DNAJC17: variants seen among roughly 807,000 people sequenced by gnomAD.
DNAJC17 encodes the protein DnaJ heat shock protein family (Hsp40) member C17.
DNAJC17 carries 35 observed loss-of-function variants against 48.1 expected under a neutral mutation model. The ratio of observed to expected loss-of-function variants is 0.73; its 90% CI spans 0.56 to 0.96. DNAJC17 has a LOEUF of 0.96. Ranked by LOEUF, DNAJC17 falls within the 50% of genes least tolerant of loss-of-function variation. The pLI is 0.00. For missense variants in DNAJC17, 355 were observed against 377.1 expected, an observed-to-expected ratio of 0.94 and a Z score of 0.48; for synonymous variants, 117 against 142.7, an observed-to-expected ratio of 0.82 and a Z score of 1.28.
chr15:40,768,777 C>T (rs757143232), intron 10 of DNAJC17, among the ~76,000 whole-genome samples: 36 of 152,226 alleles, frequency 2.4e-4, no homozygotes, highest in Non-Finnish European at 4.1e-4. Context: ...ATAAGGTCTG[C>T]GGTGGGAATT....
chr15:40,784,953 C>T (rs1889601888), intron 1 of DNAJC17, among the ~76,000 whole-genome samples: 1 of 152,082 alleles, frequency 6.6e-6, no homozygotes, highest in African/African-American at 2.4e-5. Context: ...CAAAAATTAG[C>T]TGGGCATGGT....
Position 40,767,659 on chromosome 15 carries a change from G to A in DNAJC17, c.*281C>T. 3.4e-6 allele frequency: 2 copies of A among 585,226 alleles called. No individual in the cohort carries two copies. Among genetic ancestry groups the A allele is most frequent in the Admixed American group, 3.6e-5 (1 of 28,118 alleles). 36.3% of individuals were successfully genotyped at this position (585,226 alleles called of 1,614,324 possible). A position where few individuals can be genotyped will look rare whatever the true frequency, so the allele number is the denominator to read the frequency against. On this transcript the variant is annotated 3_prime_UTR_variant, in exon 11 of 11. Coordinates refer to ENST00000220496, the MANE Select transcript of DNAJC17 (RefSeq NM_018163.3). ...AGCTGGGCACTCCAGCGGCCCTGGC[G>A]CGTGGCTCCTGCATAGCTAGCCCAA...
intron 1 of DNAJC17, among the ~76,000 whole-genome samples, chr15:40,800,446 C>T (rs1391065136): frequency 6.6e-6 from 1 of 151,370 alleles, no homozygotes; most frequent in African/African-American, 2.4e-5. Context: ...ACCATTTGTA[C>T]ATCATCTTTG....
chr15:40,773,423 C>A (rs1163831994), intron 10 of DNAJC17, among the ~76,000 whole-genome samples: 2 of 152,180 alleles, frequency 1.3e-5, no homozygotes, highest in Admixed American at 6.5e-5. Context: ...AAATGCTTCA[C>A]ACACCACAAC....
intron 1 of DNAJC17, among the ~76,000 whole-genome samples, chr15:40,794,828 C>T: frequency 6.6e-6 from 1 of 152,040 alleles, no homozygotes; most frequent in East Asian, 1.9e-4. Context: ...AGTGATTCTC[C>T]TGCCTCAGCC....
Position 40,770,802 on chromosome 15 carries a change from A to C in DNAJC17, c.793-2740T>G. 6.5e-7 allele frequency: 1 copy of C among 1,549,574 alleles called. No homozygotes were observed. ...CATCCTGGAGCCCCCACCTGCCTAC[A>C]CAGCAGCCTACTCTGCCACCCTGCC... On this transcript the variant is annotated intron_variant, in intron 10 of 10. Transcript: ENST00000220496. This position sits in a 1 kb window ranked among gnomAD's most constrained non-coding sequence, Gnocchi z 5.0.
At chr15:40,802,207 G>A (rs888390377) in intron 1 of DNAJC17, among the ~76,000 whole-genome samples, 2 of 144,556 alleles carry the variant, frequency 1.4e-5, no homozygotes, top group East Asian at 2.0e-4. Flanking sequence ...TTCTAGCTCC[G>A]TCACCCAGGC....
intron 6 of DNAJC17, 58 bp downstream of exon 6, chr15:40,776,138 G>T: frequency 1.9e-6 from 3 of 1,553,608 alleles, no homozygotes; most frequent in African/African-American, 1.4e-5. Flanking sequence ...CAGTGTGGCC[G>T]CTCTGAGCAA....
At chr15:40,786,804 G>A (rs1889655043) in intron 1 of DNAJC17, among the ~76,000 whole-genome samples, 2 of 152,192 alleles carry the variant, frequency 1.3e-5, no homozygotes, top group Admixed American at 6.5e-5. Context: ...TGTAAGCTCC[G>A]TGAGTACTTC....
At chr15:40,783,810 C>A (rs936924274) in intron 1 of DNAJC17, among the ~76,000 whole-genome samples, 1 of 152,168 alleles carries the variant, frequency 6.6e-6, no homozygotes, top group Admixed American at 6.5e-5. Context: ...CTTCAGTGAG[C>A]TGAGATCGTG....
At position 40,770,497 on chromosome 15, in the gene DNAJC17, T is replaced by C. The variant is rs1450802519; in HGVS notation, c.793-2435A>G. The C allele has an allele frequency of 1.9e-6, 3 of 1,548,600 alleles. No individual in the cohort carries two copies. Among genetic ancestry groups the C allele is most frequent in the East Asian group, 2.4e-5 (1 of 40,898 alleles). On this transcript the variant is annotated intron_variant, in intron 10 of 10. Transcript: ENST00000220496. This position sits in a 1 kb window ranked among gnomAD's most constrained non-coding sequence, Gnocchi z 5.0. ...TGTCTGCTGGCTCCCCTGGGCCCCA[T>C]GGAGACCTGGCGGAAAGGCTCCTTC... is the stretch of plus-strand genomic sequence containing the variant.
intron 2 of DNAJC17, 43 bp downstream of exon 2, chr15:40,779,885 G>A (rs1469968840): frequency 6.3e-7 from 1 of 1,592,978 alleles, no homozygotes; most frequent in Non-Finnish European, 8.6e-7. Context: ...CAATGCCCGG[G>A]TGAGTGGGTT....
intron 1 of DNAJC17, among the ~76,000 whole-genome samples, chr15:40,799,303 T>C (rs1890018066): frequency 6.6e-6 from 1 of 150,784 alleles, no homozygotes; most frequent in South Asian, 2.1e-4. Context: ...CTAGGAGCAC[T>C]TCCACCCGAA....
intron 4 of DNAJC17, among the ~76,000 whole-genome samples, chr15:40,778,444 G>A (rs1033583149): frequency 6.6e-6 from 1 of 152,048 alleles, no homozygotes; most frequent in Non-Finnish European, 1.5e-5. Context: ...GTAGAGAAGG[G>A]GTTTCACCAT....
In DNAJC17 at chr15:40,765,548, C is replaced by T. The variant is rs1416138978; in HGVS notation, c.*2392G>A. 7.7e-6 allele frequency: 2 copies of T among 261,432 alleles called. No individual in the cohort carries two copies. Among genetic ancestry groups the T allele is most frequent in the South Asian group, 1.6e-4 (1 of 6,066 alleles). The allele number at this position is 261,432 out of a possible 1,614,324, so 16.2% of individuals were successfully genotyped here. The stretch of plus-strand genomic sequence containing the variant: ...AACTCCTCCCACCTCAAGCGATCCT[C>T]CCACCTCAGCCTCAGTAGCTGGAAC... On this transcript the variant is annotated 3_prime_UTR_variant, in exon 11 of 11. Transcript: ENST00000220496.
At position 40,770,244 on chromosome 15, in the gene DNAJC17, C is replaced by T. The variant is rs1376616753; in HGVS notation, c.793-2182G>A. 3.7e-6 allele frequency: 2 copies of T among 537,838 alleles called. No individual in the cohort carries two copies. The highest frequency in any genetic ancestry group is 3.8e-5 in the African/African-American group (2 of 52,748). 33.3% of individuals were successfully genotyped at this position (537,838 alleles called of 1,614,324 possible). A position where few individuals can be genotyped will look rare whatever the true frequency, so the allele number is the denominator to read the frequency against. ...TCCACTACCCTATTCAGTAACCAGGCCACTCCTGTCCCTGTGGGAAACTCT... is the reference window on the plus strand; with the variant it reads ...TCCACTACCCTATTCAGTAACCAGGTCACTCCTGTCCCTGTGGGAAACTCT... On this transcript the variant is annotated intron_variant, in intron 10 of 10. Coordinates refer to ENST00000220496, the MANE Select transcript of DNAJC17 (RefSeq NM_018163.3). This position sits in a 1 kb window ranked among gnomAD's most constrained non-coding sequence, Gnocchi z 5.0.
At position 40,765,953 on chromosome 15, in the gene DNAJC17, C is replaced by T. The variant is rs770328246; in HGVS notation, c.*1987G>A. 1.7e-6 allele frequency: 2 copies of T among 1,181,056 alleles called. No homozygotes were observed. Among genetic ancestry groups the T allele is most frequent in the Non-Finnish European group, 2.5e-6 (2 of 813,194 alleles). The allele number at this position is 1,181,056 out of a possible 1,614,324, so 73.2% of individuals were successfully genotyped here. ...AGCAGCCTCCCTCAGTATCCTCTCC[C>T]TGCCAGCCCCTAGACCTGCCTCTGC... On this transcript the variant is annotated 3_prime_UTR_variant, in exon 11 of 11. Coordinates refer to ENST00000220496, the MANE Select transcript of DNAJC17 (RefSeq NM_018163.3).
chr15:40,807,298 G>A, intron 1 of DNAJC17, 71 bp downstream of exon 1: 3 of 1,613,230 alleles, frequency 1.9e-6, no homozygotes, highest in Non-Finnish European at 2.5e-6. Flanking sequence ...GATGCCAGCA[G>A]TGGCCGAGGC....
chr15:40,807,296 C>T, intron 1 of DNAJC17, 73 bp downstream of exon 1: 1 of 1,612,876 alleles, frequency 6.2e-7, no homozygotes, highest in Non-Finnish European at 8.5e-7. Context: ...CGGATGCCAG[C>T]AGTGGCCGAG....
Sources: gnomAD v4.1 joint callset for allele counts (sites outside exome capture counted in the v4.1 genomes callset) on GRCh38, gnomAD v4.1.1 for gene constraint, Gnocchi (gnomAD v3.1) non-coding constraint, MANE v1.5 for transcripts, NCBI Gene and HGNC (gene_info 2026-07-23, HGNC 2026-07-21) for gene names.